Variants in NEK4 observed in about 807,000 individuals in gnomAD.
The protein encoded by NEK4 is NIMA related kinase 4.
Under a neutral mutation model 98.4 loss-of-function variants are expected in NEK4, and 86 were observed. The ratio of observed to expected loss-of-function variants is 0.87; its 90% CI spans 0.73 to 1.05. The LOEUF (loss-of-function observed/expected upper bound fraction) is 1.05, where lower values mean the gene tolerates loss of function less well. NEK4 is among the 50% of genes least tolerant of loss of function. The probability of loss-of-function intolerance (pLI) is 0.00; values close to 1 mark genes in which losing one functional copy is unlikely to be tolerated. For synonymous variants in NEK4, 328 were observed against 342.2 expected (o/e 0.96, Z 0.46); for missense variants, 898 against 950.3 (o/e 0.94, Z 0.72).
chr3:52,760,608 T>C (rs1335796453), intron 6 of NEK4, among the ~76,000 whole-genome samples, 187 bp downstream of exon 6: 1 of 152,262 alleles, frequency 6.6e-6, no homozygotes, highest in Non-Finnish European at 1.5e-5. Flanking sequence ...TGTGAACAAT[T>C]TGACAGCCCA....
At chr3:52,762,737 C>T (rs956204129) in intron 5 of NEK4, among the ~76,000 whole-genome samples, 2 of 152,220 alleles carry the variant, frequency 1.3e-5, no homozygotes, top group African/African-American at 2.4e-5. Context: ...AAAAATTAGC[C>T]GGGCACGGTG....
chr3:52,724,618 T>A (rs2097362914), intron 15 of NEK4, among the ~76,000 whole-genome samples: 1 of 152,234 alleles, frequency 6.6e-6, no homozygotes, highest in African/African-American at 2.4e-5. Context: ...GTCAGATTAA[T>A]CAAATTAATA....
Position 52,763,570 on chromosome 3 carries a change from T to C in NEK4, c.721A>G (p.Met241Val). 1 of 1,613,930 alleles carries C rather than the reference T, an allele frequency of 6.2e-7. No individual in the cohort carries two copies. Among genetic ancestry groups the C allele is most frequent in the South Asian group, 1.1e-5 (1 of 91,044 alleles). The change falls in exon 5 of 16, where the codon ATG (methionine) becomes GTG (valine). Residue 241 changes from methionine to valine, a missense_variant. Coordinates refer to ENST00000233027, the MANE Select transcript of NEK4 (RefSeq NM_003157.6). ...SPELAELIRT[M>V]LSKRPEERPS... ...CTTTCTTCAGGCCTTTTGCTCAGCA[T>C]TGTTCTTATCAGTTCTGCCAGCTCT...
intron 10 of NEK4, 138 bp from the exon 11 acceptor site, chr3:52,744,443 TG>T: frequency 1.4e-6 from 1 of 718,704 alleles, no homozygotes; most frequent in Non-Finnish European, 2.5e-6. Flanking sequence ...CCCAGCACTC[TG>T]GGAGGCTGGG....
intron 9 of NEK4, among the ~76,000 whole-genome samples, chr3:52,746,431 G>A (rs1206418175): frequency 2.0e-5 from 3 of 152,202 alleles, no homozygotes; most frequent in Non-Finnish European, 2.9e-5. Flanking sequence ...ACATGATTCT[G>A]TGGAGAAGCT....
In NEK4 at chr3:52,763,507, T is replaced by C; in HGVS notation, c.784A>G (p.Lys262Glu). Reference sequence around the variant, plus strand: ...TCCAAAAAGAAGGAGATTTGCCGCTTTATATAAGGCTGCCTCAGGATGCTC... The same window carrying C: ...TCCAAAAAGAAGGAGATTTGCCGCTCTATATAAGGCTGCCTCAGGATGCTC... ...VRSILRQPYI[K>E]RQISFFLEAT... Residue 262 changes from lysine to glutamate, a missense_variant, in exon 5 of 16, where the codon AAG becomes GAG. Transcript: ENST00000233027. 6.2e-7 allele frequency: 1 copy of C among 1,613,714 alleles called. No individual in the cohort carries two copies. Among genetic ancestry groups the C allele is most frequent in the Non-Finnish European group, 8.5e-7 (1 of 1,179,776 alleles).
In NEK4 at chr3:52,763,618, G is replaced by C. The variant is rs1029871; in HGVS notation, c.673C>G (p.Pro225Ala). Residue 225 changes from proline to alanine, a missense_variant, in exon 5 of 16, where the codon CCA becomes GCA. Transcript: ENST00000233027. ...VYRIIEGKLP[P>A]MPRDYSPELA... The stretch of plus-strand genomic sequence containing the variant: ...TCTGGGCTGTAATCTCTTGGCATTG[G>C]TGGCAGCTACAAATAAAAATAATAT... The C allele has an allele frequency of 0.37, 589,903 of 1,580,566 alleles. 115,006 individuals carry two copies. Among genetic ancestry groups the C allele is most frequent in the Admixed American group, 0.5 (26,824 of 54,106 alleles).
intron 15 of NEK4, among the ~76,000 whole-genome samples, chr3:52,726,583 A>C (rs2097364787): frequency 7.0e-6 from 1 of 143,846 alleles, no homozygotes; most frequent in African/African-American, 2.6e-5. Context: ...TGGGCAACAG[A>C]GCAAGACTCC....
At chr3:52,741,285 T>C (rs1037334310) in intron 13 of NEK4, 126 bp downstream of exon 13, 11 of 534,692 alleles carry the variant, frequency 2.1e-5, no homozygotes, top group East Asian at 3.3e-5. Context: ...CTCCAGCATA[T>C]GCCACAAACC....
At chr3:52,750,505 C>T (rs185447255) in intron 7 of NEK4, among the ~76,000 whole-genome samples, 387 of 152,232 alleles carry the variant, frequency 2.5e-3, no homozygotes, top group Non-Finnish European at 4.1e-3. Context: ...TGAGATCGTG[C>T]CACTGTACTC....
Position 52,743,383 on chromosome 3 carries a change from C to T in NEK4, c.1973G>A (p.Arg658Gln), listed in dbSNP as rs759932343. 60 of 1,613,934 alleles carry T rather than the reference C, an allele frequency of 3.7e-5. No individual in the cohort carries two copies. The highest frequency in any genetic ancestry group is 1.8e-4 in the Admixed American group (11 of 59,980). The change falls in exon 12 of 16, where the codon CGA (arginine) becomes CAA (glutamine). Residue 658 changes from arginine to glutamine, a missense_variant. Physicochemically the swap from Arg to Gln is conservative, Grantham distance 43. Coordinates refer to ENST00000233027, the MANE Select transcript of NEK4 (RefSeq NM_003157.6). ...GACGCTGCAGTCAGAGGAGAGCCGT[C>T]GGGCAGGCAAGGGCTGGTCTTCTTC... ...PQEEDQPLPARRLSSDCSVTQ... is the reference protein window; with the variant it reads ...PQEEDQPLPAQRLSSDCSVTQ...
rs1698440239 is a variant in NEK4 at position 52,763,624 on chromosome 3, G to A, written c.667C>T (p.Leu223=). The stretch of plus-strand genomic sequence containing the variant: ...CTGTAATCTCTTGGCATTGGTGGCA[G>A]CTACAAATAAAAATAATATTGTAAT... ...SLVYRIIEGK[L]PPMPRDYSPE... The change falls in exon 5 of 16, where the codon CTG becomes TTG. Residue 223 remains leucine (L), a splice_region_variant and synonymous_variant. Coordinates refer to ENST00000233027, the MANE Select transcript of NEK4 (RefSeq NM_003157.6). 3 of 1,578,752 alleles carry A rather than the reference G, an allele frequency of 1.9e-6. No individual in the cohort carries two copies. The highest frequency in any genetic ancestry group is 1.4e-5 in the African/African-American group (1 of 73,552).
chr3:52,740,125 T>C (rs923458229), intron 13 of NEK4, among the ~76,000 whole-genome samples: 2 of 152,082 alleles, frequency 1.3e-5, no homozygotes, highest in African/African-American at 4.8e-5. Flanking sequence ...CAGCTTCCAA[T>C]GAGGTAAAAT....
intron 15 of NEK4, among the ~76,000 whole-genome samples, chr3:52,731,182 G>C (rs1409200699): frequency 6.6e-6 from 1 of 152,194 alleles, no homozygotes; most frequent in East Asian, 1.9e-4. Context: ...ACTCCACATG[G>C]AAAGTTGAAT....
chr3:52,708,865 C>G lies in NEK4; in HGVS notation c.*2912G>C, dbSNP rs146869954. 6.6e-6 allele frequency: 1 copy of G among 152,110 alleles called. No individual in the cohort carries two copies. The highest frequency in any genetic ancestry group is 2.4e-5 in the African/African-American group (1 of 41,424). 9.4% of individuals were successfully genotyped at this position (152,110 alleles called of 1,614,324 possible). ...TGTAAGTCTGTGGAAATCAAAACTT[C>G]TAAAAGAGAAAACCGAAATCAGAAT... On this transcript the variant is annotated 3_prime_UTR_variant, in exon 16 of 16. Transcript: ENST00000233027.
At position 52,711,666 on chromosome 3, in the gene NEK4, G is replaced by A; in HGVS notation, c.*111C>T. 4.6e-6 allele frequency: 3 copies of A among 658,786 alleles called. No individual in the cohort carries two copies. Among genetic ancestry groups the A allele is most frequent in the Non-Finnish European group, 8.2e-6 (3 of 364,526 alleles). The allele number at this position is 658,786 out of a possible 1,614,324, so 40.8% of individuals were successfully genotyped here. A position where few individuals can be genotyped will look rare whatever the true frequency, so the allele number is the denominator to read the frequency against. ...GGAAACGCCAAAGAGATATAAAAAA[G>A]AGATATAAAACAGTGGTGAGTGGCT... On this transcript the variant is annotated 3_prime_UTR_variant, in exon 16 of 16. Coordinates refer to ENST00000233027, the MANE Select transcript of NEK4 (RefSeq NM_003157.6).
chr3:52,760,643 C>T (rs1474834046), intron 6 of NEK4, 152 bp downstream of exon 6: 2 of 665,498 alleles, frequency 3.0e-6, no homozygotes, highest in Non-Finnish European at 5.2e-6. Flanking sequence ...AAATCAATCA[C>T]CTTAACCAGT....
At chr3:52,730,019 A>G (rs569823132) in intron 15 of NEK4, among the ~76,000 whole-genome samples, 3 of 152,306 alleles carry the variant, frequency 2.0e-5, no homozygotes, top group Non-Finnish European at 4.4e-5. Flanking sequence ...GAGGCAGGAG[A>G]ATCCCTTGAA....
chr3:52,737,787 T>A (rs2097378764), intron 14 of NEK4, 68 bp from the exon 15 acceptor site: 3 of 1,118,654 alleles, frequency 2.7e-6, no homozygotes, highest in African/African-American at 3.2e-5. Flanking sequence ...AACACTGCAA[T>A]TTTTTAAAAT....
Sources: allele counts gnomAD v4.1 joint callset (sites outside exome capture counted in the v4.1 genomes callset), GRCh38; gene constraint gnomAD v4.1.1; transcripts MANE v1.5; gene names NCBI Gene and HGNC (gene_info 2026-07-23, HGNC 2026-07-21).